Variants in GPC3 observed in about 807,000 individuals in gnomAD.
GPC3 encodes the protein glypican-3.
GPC3 carries 3 observed loss-of-function variants against 34.4 expected under a neutral mutation model. The observed-to-expected ratio is 0.09, with a 90% CI of 0.04 to 0.23. GPC3 has a LOEUF of 0.23. Among genes scored for constraint, GPC3 ranks in the 10% least tolerant of loss-of-function variants. GPC3 has a pLI of 1.00. For synonymous variants in GPC3, 177 were observed against 174.0 expected, an observed-to-expected ratio of 1.02 and a Z score of -0.13; for missense variants, 351 against 445.6, an observed-to-expected ratio of 0.79 and a Z score of 1.91.
chrX:133,624,439 A>C (rs1275675839), intron 6 of GPC3, among the ~76,000 whole-genome samples: 1 of 111,832 alleles, frequency 8.9e-6, no homozygotes, highest in Admixed American at 9.5e-5. Context: ...GAAAAGAGAG[A>C]AGAATCAAAT....
intron 2 of GPC3, among the ~76,000 whole-genome samples, chrX:133,859,397 C>T (rs913930090): frequency 9.0e-6 from 1 of 111,211 alleles, no homozygotes; most frequent in African/African-American, 3.3e-5. Flanking sequence ...GACTAAAATT[C>T]CCAGGCTTGG....
intron 1 of GPC3, among the ~76,000 whole-genome samples, chrX:133,964,352 T>C (rs1443268825): frequency 8.9e-6 from 1 of 111,996 alleles, no homozygotes; most frequent in Non-Finnish European, 1.9e-5. Flanking sequence ...CTGCAGTAGA[T>C]TGCAAGTGCA....
At chrX:133,711,580 C>A in intron 3 of GPC3, among the ~76,000 whole-genome samples, 1 of 111,442 alleles carries the variant, frequency 9.0e-6, no homozygotes, top group Middle Eastern at 4.6e-3. Flanking sequence ...CAGTTTTGAC[C>A]TCCTCCAATC....
At chrX:133,790,046 G>T (rs746297541) in intron 2 of GPC3, among the ~76,000 whole-genome samples, 1 of 111,726 alleles carries the variant, frequency 9.0e-6, no homozygotes, top group African/African-American at 3.3e-5. Flanking sequence ...AGAAGGCTAG[G>T]GTAATCAGTG....
At chrX:133,752,478 G>A (rs779817046) in intron 3 of GPC3, among the ~76,000 whole-genome samples, 1 of 111,600 alleles carries the variant, frequency 9.0e-6, no homozygotes, top group Non-Finnish European at 1.9e-5. Context: ...TAGCACTTGA[G>A]ATGTAGTGGA....
In GPC3 at chrX:133,985,152, C is replaced by T. The variant is rs550802013; in HGVS notation, c.175+123G>A. On this transcript the variant is annotated intron_variant, in intron 1 of 7. Transcript: ENST00000370818. Reference sequence around the variant, plus strand: ...CAGGCCCCAGGCACACCGACCACTCCCAAGTGCCCAGCTGCAGGGCGCACG... The same window carrying T: ...CAGGCCCCAGGCACACCGACCACTCTCAAGTGCCCAGCTGCAGGGCGCACG... The T allele has an allele frequency of 4.8e-4, 365 of 756,784 alleles. 4 individuals carry two copies. The South Asian group carries it at 8.4e-3, about 17-fold the overall frequency. 62.4% of individuals were successfully genotyped at this position (756,784 alleles called of 1,213,427 possible). A position where few individuals can be genotyped will look rare whatever the true frequency, so the allele number is the denominator to read the frequency against.
intron 2 of GPC3, among the ~76,000 whole-genome samples, chrX:133,904,400 A>G (rs1569452858): frequency 8.9e-6 from 1 of 112,000 alleles, no homozygotes; most frequent in East Asian, 2.8e-4. Flanking sequence ...GGAAAACACC[A>G]GAAAGAACCA....
chrX:133,635,086 T>G (rs1363100735), intron 6 of GPC3, among the ~76,000 whole-genome samples: 1 of 111,602 alleles, frequency 9.0e-6, no homozygotes, highest in Non-Finnish European at 1.9e-5. Context: ...TGACACTTTT[T>G]AAAATGAAAT....
At chrX:133,882,374 T>C (rs1368856665) in intron 2 of GPC3, among the ~76,000 whole-genome samples, 5 of 111,706 alleles carry the variant, frequency 4.5e-5, no homozygotes, top group Non-Finnish European at 7.5e-5. Flanking sequence ...CCTTAGGTCC[T>C]GCTTGAATTT....
At chrX:133,895,013 G>C in intron 2 of GPC3, among the ~76,000 whole-genome samples, 1 of 112,359 alleles carries the variant, frequency 8.9e-6, no homozygotes. Context: ...TGATCAAGCT[G>C]TATGCTAAGT....
intron 6 of GPC3, among the ~76,000 whole-genome samples, chrX:133,631,795 T>G (rs868789895): frequency 2.7e-5 from 3 of 111,579 alleles, no homozygotes; most frequent in Admixed American, 9.6e-5. Flanking sequence ...TGTTGTTGTT[T>G]TTTTTTATAG....
rs772215747 is a variant in GPC3, at chrX:133,554,758, G to A, written c.1574-18465C>T. 2.7e-5 allele frequency among the ~76,000 whole-genome samples: 3 copies of A among 112,057 alleles called. No homozygotes were observed. In the South Asian group the frequency reaches 1.1e-3, roughly 42 times the overall value. On this transcript the variant is annotated intron_variant, in intron 7 of 7. Coordinates refer to ENST00000370818, the MANE Select transcript of GPC3 (RefSeq NM_004484.4). Reference sequence around the variant, plus strand: ...AGACTGTGTGGTCCAACCCTAGCCAGTAGGGGAACGACACAGCAGTAGGGG... The same window carrying A: ...AGACTGTGTGGTCCAACCCTAGCCAATAGGGGAACGACACAGCAGTAGGGG...
chrX:133,926,233 T>C (rs763361393), intron 2 of GPC3, among the ~76,000 whole-genome samples: 5 of 111,870 alleles, frequency 4.5e-5, no homozygotes, highest in Non-Finnish European at 7.5e-5. Flanking sequence ...CTGAACCCAG[T>C]AGAGAGAATA....
chrX:133,976,420 A>G, intron 1 of GPC3, among the ~76,000 whole-genome samples: 1 of 111,990 alleles, frequency 8.9e-6, no homozygotes, highest in Non-Finnish European at 1.9e-5. Flanking sequence ...TACTGCTTAG[A>G]GTAACAATTA....
intron 3 of GPC3, among the ~76,000 whole-genome samples, chrX:133,743,221 G>C (rs1037077197): frequency 3.6e-5 from 4 of 112,588 alleles, no homozygotes; most frequent in Non-Finnish European, 7.5e-5. Context: ...TCTTCCAAAG[G>C]CTGCAACATG....
intron 5 of GPC3, among the ~76,000 whole-genome samples, chrX:133,684,166 G>A (rs1031768178): frequency 8.9e-6 from 1 of 112,102 alleles, no homozygotes; most frequent in African/African-American, 3.2e-5. Flanking sequence ...ACACACTCAG[G>A]CTAACATAGC....
intron 2 of GPC3, among the ~76,000 whole-genome samples, chrX:133,819,031 T>C (rs2075706123): frequency 1.8e-5 from 2 of 108,228 alleles, no homozygotes; most frequent in Admixed American, 9.9e-5. Context: ...TTAGGGTACA[T>C]GTGCGCAATG....
At chrX:133,906,806 C>T (rs936018796) in intron 2 of GPC3, among the ~76,000 whole-genome samples, 5 of 112,119 alleles carry the variant, frequency 4.5e-5, no homozygotes, top group South Asian at 3.7e-4. Context: ...TGGCCGGGCA[C>T]GGTGGCTCAC....
chrX:133,800,536 G>A (rs990599583), intron 2 of GPC3, among the ~76,000 whole-genome samples: 1 of 112,064 alleles, frequency 8.9e-6, no homozygotes, highest in Non-Finnish European at 1.9e-5. Context: ...GTAACTTGAT[G>A]AGTACCGTCA....
Sources: allele counts gnomAD v4.1 joint callset (sites outside exome capture counted in the v4.1 genomes callset), GRCh38; gene constraint gnomAD v4.1.1; transcripts MANE v1.5; gene names NCBI Gene and HGNC (gene_info 2026-07-23, HGNC 2026-07-21).